LRRC9: variants seen among roughly 807,000 people sequenced by gnomAD.
LRRC9 encodes leucine-rich repeat-containing protein 9.
Under a neutral mutation model 63.2 loss-of-function variants are expected in LRRC9, and 122 were observed. The ratio of observed to expected loss-of-function variants is 1.93; its 90% confidence interval spans 1.67 to 2.24. The LOEUF is 2.24. Ranked by LOEUF, LRRC9 falls within the 30% of genes most tolerant of loss-of-function variation. The pLI is 0.00. For synonymous variants in LRRC9, 366 were observed against 213.1 expected (o/e 1.72, Z -6.25); for missense variants, 1,071 against 627.7 (o/e 1.71, Z -7.55).
chr14:60,036,208 A>C lies in LRRC9; in HGVS notation c.3990+4145A>C, dbSNP rs1892418433. Among the ~76,000 whole-genome samples the C allele has an allele frequency of 2.0e-5, 3 of 152,220 alleles. No homozygotes were observed. The South Asian group carries it at 6.2e-4, about 32-fold the overall frequency. On this transcript the variant is annotated intron_variant, in intron 29 of 31. Coordinates refer to ENST00000445360, the Ensembl canonical transcript of LRRC9. ...ACCTCCCAAGACCCCAACTCCTAAT[A>C]ATACCATTACATTAGGGGTTAGGGC... is the stretch of plus-strand genomic sequence containing the variant.
At chr14:60,054,217 A>G (rs1031929729) in intron 30 of LRRC9, among the ~76,000 whole-genome samples, 1 of 152,202 alleles carries the variant, frequency 6.6e-6, no homozygotes, top group African/African-American at 2.4e-5. Context: ...GCTCCTCTCT[A>G]GTCCACTTCT....
chr14:60,042,675 A>T lies in LRRC9; in HGVS notation c.3991-10390A>T, dbSNP rs1283577106. The stretch of plus-strand genomic sequence containing the variant: ...TGGCTTCCCTTGGCTAGGAAAGGGA[A>T]TTTCCCCACCCTTTGCACTTCCCGG... On this transcript the variant is annotated intron_variant, in intron 29 of 31. Transcript: ENST00000445360. This position sits in a 1 kb window ranked among gnomAD's most constrained non-coding sequence, Gnocchi z 4.2. Among the ~76,000 whole-genome samples the T allele has an allele frequency of 1.3e-5, 2 of 152,064 alleles. No homozygotes were observed. Among genetic ancestry groups the T allele is most frequent in the Non-Finnish European group, 2.9e-5 (2 of 68,002 alleles).
chr14:59,924,932 G>A lies in LRRC9; in HGVS notation c.-33-2979G>A, dbSNP rs544611879. The stretch of plus-strand genomic sequence containing the variant: ...TTTTTTTCCATTTGCTGTTTCCTTT[G>A]CCTGTATGCATTTTCTCCAGATTCC... On this transcript the variant is annotated intron_variant, in intron 1 of 31. Coordinates refer to ENST00000445360, the Ensembl canonical transcript of LRRC9. Among the ~76,000 whole-genome samples the A allele has an allele frequency of 2.2e-3, 300 of 138,566 alleles. 1 individual carries two copies. Among genetic ancestry groups the A allele is most frequent in the Non-Finnish European group, 3.2e-3 (205 of 64,794 alleles). The allele number at this position is 138,566 out of a possible 152,430, so 90.9% of individuals were successfully genotyped here.
intron 27 of LRRC9, among the ~76,000 whole-genome samples, chr14:60,026,591 T>C (rs1275416529): frequency 6.6e-6 from 1 of 152,106 alleles, no homozygotes; most frequent in Non-Finnish European, 1.5e-5. Context: ...CAGTCCCATT[T>C]GTCCATTTTT....
At chr14:59,996,808 A>C (rs557982630) in intron 17 of LRRC9, among the ~76,000 whole-genome samples, 22 of 152,316 alleles carry the variant, frequency 1.4e-4, no homozygotes, top group African/African-American at 5.0e-4. Context: ...TCTAAGAACC[A>C]GTGATCCTGT....
chr14:59,997,138 TCA>T (rs1401393792), intron 17 of LRRC9, among the ~76,000 whole-genome samples: 2 of 152,114 alleles, frequency 1.3e-5, no homozygotes, highest in African/African-American at 2.4e-5. Flanking sequence ...TTTTTTCTTT[TCA>T]TTTATTTGCT....
intron 29 of LRRC9, among the ~76,000 whole-genome samples, chr14:60,048,944 T>A (rs937011840): frequency 1.3e-5 from 2 of 152,170 alleles, no homozygotes; most frequent in Non-Finnish European, 2.9e-5. Flanking sequence ...CATGATCAAG[T>A]TGGCTTCATC....
chr14:60,006,741 A>G (rs1309007266), intron 22 of LRRC9, 124 bp downstream of exon 22: 5 of 531,674 alleles, frequency 9.4e-6, no homozygotes, highest in Non-Finnish European at 1.6e-5. Flanking sequence ...AAGAATAACA[A>G]GTTTATTAAA....
chr14:60,010,910 G>A (rs1306339416), intron 23 of LRRC9, among the ~76,000 whole-genome samples: 1 of 152,150 alleles, frequency 6.6e-6, no homozygotes, highest in Non-Finnish European at 1.5e-5. Flanking sequence ...TTTGGTCAAA[G>A]CCATTCAACA....
chr14:60,050,344 G>C (rs1260108402), intron 29 of LRRC9, among the ~76,000 whole-genome samples: 1 of 152,064 alleles, frequency 6.6e-6, no homozygotes, highest in East Asian at 1.9e-4. Context: ...TCCTTTCACT[G>C]CCTGGTCTAT....
At position 59,930,594 on chromosome 14, in the gene LRRC9, A is replaced by G. The variant is rs1249022919; in HGVS notation, c.268-324A>G. Among the ~76,000 whole-genome samples the G allele has an allele frequency of 3.3e-5, 5 of 151,888 alleles. No individual in the cohort carries two copies. The highest frequency in any genetic ancestry group is 1.2e-4 in the African/African-American group (5 of 41,428). On this transcript the variant is annotated intron_variant, in intron 3 of 31. Transcript: ENST00000445360. This position sits in a 1 kb window ranked among gnomAD's most constrained non-coding sequence, Gnocchi z 4.9. Reference sequence around the variant, plus strand: ...TGCTTACATTGTTATAATCATAACCATATGATCATAATCATTTCTATATGA... The same window carrying G: ...TGCTTACATTGTTATAATCATAACCGTATGATCATAATCATTTCTATATGA...
chr14:60,018,456 T>C (rs1282041549), exon 25 of LRRC9: 1 of 699,900 alleles, frequency 1.4e-6, no homozygotes, highest in Admixed American at 2.0e-5. Context: ...ATTCAGTGGA[T>C]TAATCTATCT....
rs947844593 is a variant in LRRC9 at position 59,958,432 on chromosome 14, A to G, written c.883-1386A>G. ...CAAACTCCTTAGCACTGTCAGGGAA[A>G]AACCACCTACTAAAGCCTCAGTAAT... On this transcript the variant is annotated intron_variant, in intron 8 of 31. Coordinates refer to ENST00000445360, the Ensembl canonical transcript of LRRC9. This position sits in a 1 kb window ranked among gnomAD's most constrained non-coding sequence, Gnocchi z 4.0. Among the ~76,000 whole-genome samples, 1 of 152,158 alleles carries G rather than the reference A, an allele frequency of 6.6e-6. No homozygotes were observed. The highest frequency in any genetic ancestry group is 1.5e-5 in the Non-Finnish European group (1 of 68,016).
intron 28 of LRRC9, among the ~76,000 whole-genome samples, chr14:60,029,551 T>G (rs1235669500): frequency 6.6e-6 from 1 of 152,128 alleles, no homozygotes; most frequent in East Asian, 1.9e-4. Context: ...GAGGACCTTC[T>G]TCCTAGCAAG....
At chr14:59,989,848 T>G (rs2140140296) in intron 17 of LRRC9, among the ~76,000 whole-genome samples, 1 of 152,280 alleles carries the variant, frequency 6.6e-6, no homozygotes, top group African/African-American at 2.4e-5. Flanking sequence ...GTTGTTTATA[T>G]GTACTGTTTA....
At chr14:60,061,595 C>T (rs1894662505) in intron 31 of LRRC9, among the ~76,000 whole-genome samples, 1 of 152,108 alleles carries the variant, frequency 6.6e-6, no homozygotes, top group African/African-American at 2.4e-5. Context: ...GGTCTGGGAC[C>T]ACACCCACAA....
At chr14:60,009,779 C>T (rs180951433) in intron 23 of LRRC9, among the ~76,000 whole-genome samples, 8 of 152,302 alleles carry the variant, frequency 5.3e-5, no homozygotes, top group Admixed American at 5.2e-4. Flanking sequence ...GGGGTACAGG[C>T]ATTGGGTAAA....
chr14:59,931,472 T>G (rs1270930125), intron 4 of LRRC9, 147 bp from the exon 5 acceptor site: 1 of 488,568 alleles, frequency 2.0e-6, no homozygotes, highest in Non-Finnish European at 3.6e-6. Context: ...GGTGGCTTCT[T>G]GGAGGCACTC....
Position 59,930,993 on chromosome 14 carries a change from A to G in LRRC9, c.343A>G (p.Asn115Asp). 1 of 449,800 alleles carries G rather than the reference A, an allele frequency of 2.2e-6. No individual in the cohort carries two copies. Among genetic ancestry groups the G allele is most frequent in the Non-Finnish European group, 4.0e-6 (1 of 247,732 alleles). 27.9% of individuals were successfully genotyped at this position (449,800 alleles called of 1,614,324 possible). A position where few individuals can be genotyped will look rare whatever the true frequency, so the allele number is the denominator to read the frequency against. Residue 115 changes from asparagine to aspartate, a missense_variant, in exon 4 of 32, where the codon AAT becomes GAT. By Grantham distance (23) the Asn-to-Asp change is conservative. Coordinates refer to ENST00000445360, the Ensembl canonical transcript of LRRC9. The surrounding 1 kb of genome is among the most constrained non-coding windows in gnomAD (Gnocchi z 4.9). ...TTTTAATAAAATTTCCAAAATAGAA[A>G]ATTTAGAGAAATTAATCAAATTGAA... is the stretch of plus-strand genomic sequence containing the variant.
Sources: gnomAD v4.1 joint callset for allele counts (sites outside exome capture counted in the v4.1 genomes callset) on GRCh38, gnomAD v4.1.1 for gene constraint, Gnocchi (gnomAD v3.1) non-coding constraint, MANE v1.5 for transcripts, NCBI Gene and HGNC (gene_info 2026-07-23, HGNC 2026-07-21) for gene names.